The following SCAF8 variants were observed in gnomAD, a reference collection of about 807,000 sequenced individuals.
SCAF8 encodes SR-related and CTD-associated factor 8.
Under a neutral mutation model 140.5 loss-of-function variants are expected in SCAF8, and 23 were observed. The ratio of observed to expected loss-of-function variants is 0.16; its 90% CI spans 0.12 to 0.23. SCAF8 has a LOEUF of 0.23. Ranked by LOEUF, SCAF8 falls within the 10% of genes least tolerant of loss-of-function variation. The probability of loss-of-function intolerance (pLI) is 1.00; values close to 1 mark genes in which losing one functional copy is unlikely to be tolerated. For synonymous variants in SCAF8, 575 were observed against 528.9 expected (o/e 1.09, Z -1.20); for missense variants, 1,397 against 1,555.7 (o/e 0.90, Z 1.72).
At chr6:154,782,702 C>T (rs919436960) in intron 3 of SCAF8, among the ~76,000 whole-genome samples, 5 of 152,124 alleles carry the variant, frequency 3.3e-5, no homozygotes, top group South Asian at 2.1e-4. Context: ...GGTGCAAGGA[C>T]GGCCAGTCTG....
chr6:154,777,346 A>G (rs532532570), intron 2 of SCAF8, among the ~76,000 whole-genome samples: 24 of 152,344 alleles, frequency 1.6e-4, no homozygotes, highest in East Asian at 1.3e-3. Context: ...TCATAGTGCT[A>G]TATTTTATGA....
rs571327635 is a variant in SCAF8 at position 154,777,568 on chromosome 6, T to C, written c.115-433T>C. On this transcript the variant is annotated intron_variant, in intron 2 of 19. Transcript: ENST00000367178. ...ACCTTACATACATTTATTAATGTTA[T>C]TTGTAGTTACTTGATTTTTCAAATT... Among the ~76,000 whole-genome samples, 10 of 152,352 alleles carry C rather than the reference T, an allele frequency of 6.6e-5. No individual in the cohort carries two copies. The South Asian group carries it at 1.7e-3, about 25-fold the overall frequency.
rs375228001 is a variant in SCAF8, at chr6:154,827,146, T to A, written c.2072-26T>A. The A allele has an allele frequency of 7.6e-6, 12 of 1,581,426 alleles. No individual in the cohort carries two copies. The African/African-American group carries it at 1.4e-4, about 18-fold the overall frequency. ...AAATAAGTAATTTTTCTTGTGCTAT[T>A]TTTTGGGGTTTTTTTTTCTGTCTAG... On this transcript the variant is annotated intron_variant, in intron 17 of 19. Transcript: ENST00000367178.
intron 1 of SCAF8, among the ~76,000 whole-genome samples, chr6:154,734,988 G>C (rs968499024): frequency 2.6e-5 from 4 of 152,136 alleles, no homozygotes; most frequent in Admixed American, 1.3e-4. Context: ...GCTGGGCGTA[G>C]TGGCAGGCAC....
At chr6:154,818,455 T>A in intron 13 of SCAF8, 24 bp from the exon 14 acceptor site, 1 of 1,416,500 alleles carries the variant, frequency 7.1e-7, no homozygotes. Flanking sequence ...TTATACCTTT[T>A]CTTAAAACAA....
intron 1 of SCAF8, among the ~76,000 whole-genome samples, chr6:154,735,138 A>G (rs1778380487): frequency 6.6e-6 from 1 of 151,642 alleles, no homozygotes; most frequent in Admixed American, 6.6e-5. Context: ...AAAAAAAAAA[A>G]GAAAAAGAAA....
intron 9 of SCAF8, among the ~76,000 whole-genome samples, chr6:154,806,174 T>C (rs1003990644): frequency 6.6e-6 from 1 of 152,230 alleles, no homozygotes; most frequent in African/African-American, 2.4e-5. Flanking sequence ...CCTTTTGAGT[T>C]GTAAGGATCC....
Position 154,832,550 on chromosome 6 carries a change from G to A in SCAF8, c.2971G>A (p.Val991Ile), listed in dbSNP as rs143540866. ...RPFLAPGRQS[V>I]DNVTNPEKRI... Reference sequence around the variant, plus strand: ...TTTTTTAGCTCCTGGAAGACAAAGCGTAGACAATGTTACTAACCCAGAAAA... The same window carrying A: ...TTTTTTAGCTCCTGGAAGACAAAGCATAGACAATGTTACTAACCCAGAAAA... Residue 991 changes from valine to isoleucine, a missense_variant, in exon 20 of 20, where the codon GTA (valine) becomes ATA (isoleucine). Physicochemically the swap from Val to Ile is conservative, Grantham distance 29 (BLOSUM62 3). This residue lies in a region of SCAF8 where 930 missense variants were observed against 874.6 expected (regional missense o/e 1.06). Coordinates refer to ENST00000367178, the MANE Select transcript of SCAF8 (RefSeq NM_014892.5). 48 of 1,613,976 alleles carry A rather than the reference G, an allele frequency of 3.0e-5. No homozygotes were observed. Among genetic ancestry groups the A allele is most frequent in the Non-Finnish European group, 3.8e-5 (45 of 1,180,016 alleles).
intron 18 of SCAF8, among the ~76,000 whole-genome samples, chr6:154,830,362 T>G (rs1219151181): frequency 6.6e-6 from 1 of 152,226 alleles, no homozygotes; most frequent in African/African-American, 2.4e-5. Context: ...CCTCTGGTTG[T>G]GTTTTTTAAT....
chr6:154,757,090 A>G (rs918091275), intron 1 of SCAF8, among the ~76,000 whole-genome samples: 6 of 149,734 alleles, frequency 4.0e-5, no homozygotes, highest in Admixed American at 1.3e-4. Flanking sequence ...CGGTGGTGCA[A>G]CCTCTGTCTT....
chr6:154,740,223 T>C (rs1210441832), intron 1 of SCAF8, among the ~76,000 whole-genome samples: 1 of 152,242 alleles, frequency 6.6e-6, no homozygotes, highest in Admixed American at 6.5e-5. Flanking sequence ...TGGGAACTAT[T>C]GATATTTTGG....
Position 154,824,243 on chromosome 6 carries a change from G to T in SCAF8, c.1936G>T (p.Ala646Ser). The change falls in exon 17 of 20, where the codon GCG (alanine) becomes TCG (serine). Residue 646 changes from alanine (A) to serine (S), a missense_variant. Coordinates refer to ENST00000367178, the MANE Select transcript of SCAF8 (RefSeq NM_014892.5). ...TGTCTATCCACAAAAGATTCCAGTGGCGCCAGCCGTGCCTACAGTTAGTTT... is the reference window on the plus strand; with the variant it reads ...TGTCTATCCACAAAAGATTCCAGTGTCGCCAGCCGTGCCTACAGTTAGTTT... ...PPVAMLQIPV[A>S]PAVPTVSLVP... The T allele has an allele frequency of 6.2e-7, 1 of 1,613,666 alleles. No homozygotes were observed. The highest frequency in any genetic ancestry group is 1.3e-5 in the African/African-American group (1 of 74,996).
At chr6:154,750,064 G>C (rs998673105) in intron 1 of SCAF8, among the ~76,000 whole-genome samples, 7 of 151,528 alleles carry the variant, frequency 4.6e-5, no homozygotes, top group Non-Finnish European at 1.0e-4. Flanking sequence ...CAGTCACTAA[G>C]ATGGGCAAAT....
intron 1 of SCAF8, among the ~76,000 whole-genome samples, chr6:154,742,492 A>G (rs759482872): frequency 7.2e-5 from 11 of 152,204 alleles, no homozygotes; most frequent in Non-Finnish European, 1.2e-4. Context: ...ATTGATTATG[A>G]GAAATAAATG....
chr6:154,822,325 A>G lies in SCAF8; in HGVS notation c.1842A>G (p.Thr614=), dbSNP rs1397775118. The G allele has an allele frequency of 1.9e-6, 3 of 1,613,680 alleles. No individual in the cohort carries two copies. Among genetic ancestry groups the G allele is most frequent in the Non-Finnish European group, 2.5e-6 (3 of 1,179,696 alleles). The part of the protein sequence containing the change: ...SSEPVKETVQ[T]TQSPTPVEKE... ...AACCTGTTAAAGAGACGGTCCAGACAACTCAGAGCCCAACTCCAGTTGAAA... is the reference window on the plus strand; with the variant it reads ...AACCTGTTAAAGAGACGGTCCAGACGACTCAGAGCCCAACTCCAGTTGAAA... The change falls in exon 16 of 20, where the codon ACA becomes ACG. Residue 614 remains threonine (T), a synonymous_variant. Transcript: ENST00000367178.
intron 15 of SCAF8, among the ~76,000 whole-genome samples, chr6:154,821,698 TAAG>T (rs756475481): frequency 1.1e-4 from 17 of 152,288 alleles, no homozygotes; most frequent in Admixed American, 3.3e-4. Flanking sequence ...TATTCAAAAA[TAAG>T]AAGACCATTA....
At chr6:154,814,384 A>G (rs971762765) in intron 12 of SCAF8, among the ~76,000 whole-genome samples, 16 of 152,212 alleles carry the variant, frequency 1.1e-4, no homozygotes, top group Admixed American at 3.3e-4. Flanking sequence ...GATTAAATTG[A>G]ATATGCATAG....
At chr6:154,785,233 C>T (rs755552574) in intron 3 of SCAF8, among the ~76,000 whole-genome samples, 4 of 152,114 alleles carry the variant, frequency 2.6e-5, no homozygotes, top group Non-Finnish European at 5.9e-5. Context: ...CGGCAGCTTG[C>T]CCACTTCTGT....
chr6:154,783,890 T>C (rs1310295905), intron 3 of SCAF8, among the ~76,000 whole-genome samples: 1 of 151,496 alleles, frequency 6.6e-6, no homozygotes, highest in East Asian at 1.9e-4. Flanking sequence ...GCCAAAATGG[T>C]GAAATCCCGT....
Sources: gnomAD v4.1 joint callset for allele counts (sites outside exome capture counted in the v4.1 genomes callset) on GRCh38, gnomAD v4.1.1 for gene constraint, gnomAD v4.1.1 regional missense constraint, MANE v1.5 for transcripts, NCBI Gene and HGNC (gene_info 2026-07-23, HGNC 2026-07-21) for gene names.